ELP3: variants seen among roughly 807,000 people sequenced by gnomAD.
ELP3 encodes the protein elongator complex protein 3.
ELP3 carries 56 observed loss-of-function variants against 74.9 expected under a neutral mutation model. That is an observed-to-expected ratio of 0.75 (90% confidence interval 0.60 to 0.93). The LOEUF (loss-of-function observed/expected upper bound fraction) is 0.93. Ranked by LOEUF, ELP3 falls within the 40% of genes least tolerant of loss-of-function variation. The pLI, the probability that ELP3 is intolerant of heterozygous loss-of-function variation, is 0.00. For synonymous variants in ELP3, 222 were observed against 239.8 expected (o/e 0.93, Z 0.68); for missense variants, 573 against 686.5 (o/e 0.83, Z 1.85).
At chr8:28,093,565 C>T (rs1203113191) in intron 1 of ELP3, 2 of 391,454 alleles carry the variant, frequency 5.1e-6, no homozygotes, top group South Asian at 3.6e-5. Flanking sequence ...AGATTTGTTT[C>T]ACGACACATT....
rs1292528906 is a variant in ELP3 at position 28,097,205 on chromosome 8, T to C, written c.20-14T>C. 6.4e-7 allele frequency: 1 copy of C among 1,563,560 alleles called. No homozygotes were observed. Among genetic ancestry groups the C allele is most frequent in the Non-Finnish European group, 8.7e-7 (1 of 1,147,250 alleles). Reference sequence around the variant, plus strand: ...TGATACGATTTTTGACATTGTTGAATATTAACTTTCCAGGAGATCTCAGCC... The same window carrying C: ...TGATACGATTTTTGACATTGTTGAACATTAACTTTCCAGGAGATCTCAGCC... On this transcript the variant is annotated splice_polypyrimidine_tract_variant and intron_variant, in intron 1 of 14. Transcript: ENST00000256398.
intron 7 of ELP3, among the ~76,000 whole-genome samples, chr8:28,114,695 A>T (rs1000952033): frequency 3.9e-5 from 6 of 152,232 alleles, no homozygotes; most frequent in African/African-American, 1.4e-4. Context: ...TGGAGGGGAC[A>T]AACACCCAAA....
intron 7 of ELP3, among the ~76,000 whole-genome samples, chr8:28,124,036 G>C (rs1001730488): frequency 6.6e-6 from 1 of 151,998 alleles, no homozygotes; most frequent in Admixed American, 6.6e-5. Context: ...ATCAGTTTAA[G>C]CTGATGGTTT....
chr8:28,107,205 G>A (rs1585644153), intron 4 of ELP3, among the ~76,000 whole-genome samples: 2 of 152,122 alleles, frequency 1.3e-5, no homozygotes, highest in South Asian at 2.1e-4. Context: ...CCGAGATCAC[G>A]CCACTGCACT....
chr8:28,134,056 G>C (rs547173706), intron 9 of ELP3, among the ~76,000 whole-genome samples: 1 of 152,244 alleles, frequency 6.6e-6, no homozygotes. Context: ...CTGCACCCAT[G>C]AACTTGTCAT....
At chr8:28,105,040 T>G (rs1811631662) in intron 3 of ELP3, among the ~76,000 whole-genome samples, 1 of 152,222 alleles carries the variant, frequency 6.6e-6, no homozygotes, top group African/African-American at 2.4e-5. Flanking sequence ...CTTTTTAAAA[T>G]GTCCTCATCA....
rs1206317645 is a variant in ELP3, at chr8:28,175,602, C to T, written c.1567+13524C>T. On this transcript the variant is annotated intron_variant, in intron 14 of 14. Coordinates refer to ENST00000256398, the MANE Select transcript of ELP3 (RefSeq NM_018091.6). Reference sequence around the variant, plus strand: ...TGATTTAATGTCTTTGAGTAGTAATCCCAGTGTCTGGATTTCCTCAGGAAT... The same window carrying T: ...TGATTTAATGTCTTTGAGTAGTAATTCCAGTGTCTGGATTTCCTCAGGAAT... Among the ~76,000 whole-genome samples the T allele has an allele frequency of 2.6e-5, 4 of 152,054 alleles. No homozygotes were observed. The East Asian group carries it at 7.7e-4, about 29-fold the overall frequency.
intron 2 of ELP3, 150 bp from the exon 3 acceptor site, chr8:28,099,678 C>A: frequency 1.2e-6 from 1 of 864,200 alleles, no homozygotes; most frequent in Non-Finnish European, 1.8e-6. Flanking sequence ...TTCTATTTCC[C>A]TGATAGTCAC....
chr8:28,158,145 G>A (rs1383559008), intron 11 of ELP3, among the ~76,000 whole-genome samples: 7 of 150,548 alleles, frequency 4.6e-5, no homozygotes, highest in East Asian at 3.9e-4. Flanking sequence ...GTTAACTGCC[G>A]TAAAATGGAG....
intron 14 of ELP3, among the ~76,000 whole-genome samples, chr8:28,174,059 G>T (rs1293145276): frequency 6.6e-6 from 1 of 151,970 alleles, no homozygotes; most frequent in Non-Finnish European, 1.5e-5. Context: ...TATGGAAAAT[G>T]TACATTCTGC....
At chr8:28,163,865 C>G (rs577711289) in intron 14 of ELP3, among the ~76,000 whole-genome samples, 8 of 152,318 alleles carry the variant, frequency 5.3e-5, no homozygotes, top group African/African-American at 1.7e-4. Context: ...AATGCAGGCT[C>G]TGTCTCAGTG....
At chr8:28,153,614 G>A (rs999749513) in intron 10 of ELP3, among the ~76,000 whole-genome samples, 12 of 152,144 alleles carry the variant, frequency 7.9e-5, no homozygotes, top group Admixed American at 6.5e-4. Flanking sequence ...GCTAATGGAG[G>A]GAAGTTGTCC....
At chr8:28,173,326 T>C (rs1329832254) in intron 14 of ELP3, among the ~76,000 whole-genome samples, 1 of 151,998 alleles carries the variant, frequency 6.6e-6, no homozygotes, top group African/African-American at 2.4e-5. Flanking sequence ...TAGACTTTGT[T>C]TATGAGTCAG....
At chr8:28,132,502 TAAAGAAATGCATC>T in intron 9 of ELP3, 98 bp downstream of exon 9, 1 of 1,457,292 alleles carries the variant, frequency 6.9e-7, no homozygotes. Flanking sequence ...TTTCCAGTGT[TAAAGAAATGCATC>T]CTTATTATAG....
At chr8:28,110,506 T>G in intron 6 of ELP3, 68 bp downstream of exon 6, 1 of 1,258,620 alleles carries the variant, frequency 7.9e-7, no homozygotes, top group Non-Finnish European at 1.1e-6. Context: ...CATTGTTGCT[T>G]GATTCAAATT....
rs536144695 is a variant in ELP3, at chr8:28,190,123, C to T, written c.*398C>T. The T allele has an allele frequency of 6.2e-6, 1 of 161,790 alleles. No homozygotes were observed. Among genetic ancestry groups the T allele is most frequent in the East Asian group, 1.8e-4 (1 of 5,560 alleles). 10.0% of individuals were successfully genotyped at this position (161,790 alleles called of 1,614,324 possible). A position where few individuals can be genotyped will look rare whatever the true frequency, so the allele number is the denominator to read the frequency against. ...CTTAAGAGTAGTTTATTTATATACCCTGGGGACAGAAAGTCAGGTTGAAAC... is the reference window on the plus strand; with the variant it reads ...CTTAAGAGTAGTTTATTTATATACCTTGGGGACAGAAAGTCAGGTTGAAAC... On this transcript the variant is annotated 3_prime_UTR_variant, in exon 15 of 15. Coordinates refer to ENST00000256398, the MANE Select transcript of ELP3 (RefSeq NM_018091.6).
chr8:28,148,616 C>T (rs537111476), intron 10 of ELP3, among the ~76,000 whole-genome samples: 1 of 152,230 alleles, frequency 6.6e-6, no homozygotes, highest in East Asian at 1.9e-4. Context: ...CCCCTTTATT[C>T]CTAGTTTACT....
intron 10 of ELP3, among the ~76,000 whole-genome samples, chr8:28,146,545 A>G (rs1177500782): frequency 6.6e-6 from 1 of 152,246 alleles, no homozygotes; most frequent in Non-Finnish European, 1.5e-5. Context: ...GATTGAATCA[A>G]ATGGAGAAAC....
intron 14 of ELP3, among the ~76,000 whole-genome samples, chr8:28,180,403 T>C (rs1814957614): frequency 6.6e-6 from 1 of 152,254 alleles, no homozygotes; most frequent in Non-Finnish European, 1.5e-5. Context: ...GACCCATCCA[T>C]TGATGCATTG....
Sources: allele counts gnomAD v4.1 joint callset (sites outside exome capture counted in the v4.1 genomes callset), GRCh38; gene constraint gnomAD v4.1.1; transcripts MANE v1.5; gene names NCBI Gene and HGNC (gene_info 2026-07-23, HGNC 2026-07-21).